TECRL: variants seen among roughly 807,000 people sequenced by gnomAD.
TECRL encodes the protein trans-2,3-enoyl-CoA reductase like.
Under a neutral mutation model 52.8 loss-of-function variants are expected in TECRL, and 63 were observed. The ratio of observed to expected loss-of-function variants is 1.19; its 90% CI spans 0.97 to 1.47. TECRL has a LOEUF of 1.47. Among genes scored for constraint, TECRL ranks in the 40% most tolerant of loss-of-function variants. The pLI is 0.00. For synonymous variants in TECRL, 164 were observed against 141.9 expected (o/e 1.16, Z -1.10); for missense variants, 482 against 429.6 (o/e 1.12, Z -1.08).
chr4:64,371,206 A>G (rs867585601), intron 2 of TECRL, among the ~76,000 whole-genome samples: 13 of 151,570 alleles, frequency 8.6e-5, no homozygotes, highest in African/African-American at 3.1e-4. Flanking sequence ...ATAATAATAC[A>G]TAATTATTTT....
chr4:64,334,976 T>A (rs552412605), intron 2 of TECRL, among the ~76,000 whole-genome samples: 2 of 152,308 alleles, frequency 1.3e-5, no homozygotes, highest in South Asian at 4.1e-4. Flanking sequence ...TGTGCAAGTC[T>A]CCCAGAGGAC....
chr4:64,341,645 G>T (rs147297120), intron 2 of TECRL, among the ~76,000 whole-genome samples: 2 of 152,096 alleles, frequency 1.3e-5, no homozygotes, highest in East Asian at 3.9e-4. Flanking sequence ...TGCTTGCCAC[G>T]TTGCAGGTGA....
chr4:64,337,120 C>T (rs1719149012), intron 2 of TECRL, among the ~76,000 whole-genome samples: 1 of 151,652 alleles, frequency 6.6e-6, no homozygotes, highest in African/African-American at 2.4e-5. Flanking sequence ...TTAAAGTCTC[C>T]CATATGCAAA....
At chr4:64,364,242 T>C (rs1423066010) in intron 2 of TECRL, among the ~76,000 whole-genome samples, 2 of 151,786 alleles carry the variant, frequency 1.3e-5, no homozygotes, top group African/African-American at 4.8e-5. Flanking sequence ...CATACCAGAA[T>C]CTCTAGGCCA....
At chr4:64,373,220 AT>A (rs1357156641) in intron 2 of TECRL, among the ~76,000 whole-genome samples, 1 of 151,662 alleles carries the variant, frequency 6.6e-6, no homozygotes, top group Non-Finnish European at 1.5e-5. Flanking sequence ...ATTTTAGATG[AT>A]TGAAATAATA....
intron 3 of TECRL, among the ~76,000 whole-genome samples, chr4:64,323,008 T>A (rs1718011867): frequency 6.6e-6 from 1 of 152,146 alleles, no homozygotes; most frequent in South Asian, 2.1e-4. Flanking sequence ...CCCAATACCA[T>A]CTACCCAAAA....
rs559611492 is a variant in TECRL, at chr4:64,301,058, G to A, written c.731-1041C>T. On this transcript the variant is annotated intron_variant, in intron 7 of 11. Coordinates refer to ENST00000381210, the MANE Select transcript of TECRL (RefSeq NM_001010874.5). Reference sequence around the variant, plus strand: ...TATTTTGCATAGATATATATTCATAGAATATATATATACAAACCATATGTA... The same window carrying A: ...TATTTTGCATAGATATATATTCATAAAATATATATATACAAACCATATGTA... 8.6e-5 allele frequency among the ~76,000 whole-genome samples: 13 copies of A among 150,754 alleles called. No individual in the cohort carries two copies. The South Asian group carries it at 2.7e-3, about 31-fold the overall frequency.
intron 3 of TECRL, among the ~76,000 whole-genome samples, 168 bp downstream of exon 3, chr4:64,328,344 T>G (rs922830924): frequency 1.3e-5 from 2 of 151,970 alleles, no homozygotes; most frequent in Non-Finnish European, 2.9e-5. Context: ...AAATACCTAT[T>G]TGAGACTAAA....
rs1381458368 is a variant in TECRL, at chr4:64,278,318, G to C, written c.*1754C>G. 1.2e-5 allele frequency: 2 copies of C among 165,478 alleles called. No homozygotes were observed. Among genetic ancestry groups the C allele is most frequent in the Non-Finnish European group, 1.2e-5 (1 of 80,564 alleles). 10.3% of individuals were successfully genotyped at this position (165,478 alleles called of 1,614,324 possible). On this transcript the variant is annotated 3_prime_UTR_variant, in exon 12 of 12. Transcript: ENST00000381210. Reference sequence around the variant, plus strand: ...TTTAATATAGCTATAATTTCCGCAAGAATTTGAACTAATGACATAATACCT... The same window carrying C: ...TTTAATATAGCTATAATTTCCGCAACAATTTGAACTAATGACATAATACCT...
chr4:64,354,471 T>A (rs1229089321), intron 2 of TECRL, among the ~76,000 whole-genome samples: 1 of 152,120 alleles, frequency 6.6e-6, no homozygotes, highest in Non-Finnish European at 1.5e-5. Context: ...CATGACAGAT[T>A]TCTAGAAAAT....
intron 4 of TECRL, among the ~76,000 whole-genome samples, chr4:64,320,234 C>G (rs1717806475): frequency 6.6e-6 from 1 of 151,802 alleles, no homozygotes; most frequent in Non-Finnish European, 1.5e-5. Flanking sequence ...TATTTTGTAA[C>G]ACACTGTTAG....
intron 2 of TECRL, among the ~76,000 whole-genome samples, chr4:64,366,914 T>C (rs1405102733): frequency 1.3e-5 from 2 of 152,124 alleles, no homozygotes; most frequent in African/African-American, 2.4e-5. Flanking sequence ...TATGTCATTC[T>C]ACCAAAGAGA....
chr4:64,398,161 T>C (rs1241723050), intron 1 of TECRL, among the ~76,000 whole-genome samples: 4 of 152,192 alleles, frequency 2.6e-5, no homozygotes, highest in Non-Finnish European at 4.4e-5. Flanking sequence ...AATTTGTATC[T>C]ATGTCCTAAT....
chr4:64,390,727 G>A (rs190327027), intron 1 of TECRL, among the ~76,000 whole-genome samples: 19 of 151,814 alleles, frequency 1.3e-4, no homozygotes, highest in Admixed American at 3.9e-4. Flanking sequence ...ATCTACTGAC[G>A]TAAAGAAACC....
chr4:64,292,426 G>A (rs1043187173), intron 8 of TECRL, among the ~76,000 whole-genome samples: 2 of 151,874 alleles, frequency 1.3e-5, no homozygotes, highest in Non-Finnish European at 2.9e-5. Flanking sequence ...AGATGTTCAA[G>A]ATATTCTAGA....
chr4:64,289,483 T>G (rs934082702), intron 9 of TECRL, among the ~76,000 whole-genome samples: 2 of 152,100 alleles, frequency 1.3e-5, no homozygotes, highest in Admixed American at 6.6e-5. Context: ...TTAGTGTGTG[T>G]GGGGAGGGTG....
At chr4:64,381,273 T>C (rs552366157) in intron 1 of TECRL, among the ~76,000 whole-genome samples, 6 of 152,216 alleles carry the variant, frequency 3.9e-5, no homozygotes, top group Non-Finnish European at 2.9e-5. Flanking sequence ...TATTTATCAG[T>C]TCTAAAATAT....
chr4:64,404,938 T>C (rs2109791914), intron 1 of TECRL, among the ~76,000 whole-genome samples: 1 of 152,236 alleles, frequency 6.6e-6, no homozygotes, highest in South Asian at 2.1e-4. Flanking sequence ...AGTGCACTTA[T>C]TCAACACATA....
Position 64,336,907 on chromosome 4 carries a change from T to G in TECRL, c.287-8351A>C, listed in dbSNP as rs184469172. 8.8e-3 allele frequency among the ~76,000 whole-genome samples: 1,348 copies of G among 152,322 alleles called. 18 individuals carry two copies. The highest frequency in any genetic ancestry group is 0.031 in the African/African-American group (1,282 of 41,562). ...ATAATTTCTGTTCTTTTACATTTGCTGAGGAGTGCTTTACATCCAACTATG... is the reference window on the plus strand; with the variant it reads ...ATAATTTCTGTTCTTTTACATTTGCGGAGGAGTGCTTTACATCCAACTATG... On this transcript the variant is annotated intron_variant, in intron 2 of 11. Coordinates refer to ENST00000381210, the MANE Select transcript of TECRL (RefSeq NM_001010874.5).
Sources: allele counts gnomAD v4.1 joint callset (sites outside exome capture counted in the v4.1 genomes callset), GRCh38; gene constraint gnomAD v4.1.1; transcripts MANE v1.5; gene names NCBI Gene and HGNC (gene_info 2026-07-23, HGNC 2026-07-21).